SMYD3: variants seen among roughly 807,000 people sequenced by gnomAD.
SMYD3 encodes the protein histone-lysine N-methyltransferase SMYD3.
SMYD3 carries 36 observed loss-of-function variants against 57.7 expected under a neutral mutation model. That is an observed-to-expected ratio of 0.62 (90% CI 0.48 to 0.82). The LOEUF is 0.82. Ranked by LOEUF, SMYD3 falls within the 40% of genes least tolerant of loss-of-function variation. The probability of loss-of-function intolerance (pLI) is 0.00; values close to 1 mark genes in which losing one functional copy is unlikely to be tolerated. For synonymous variants in SMYD3, 211 were observed against 195.0 expected (o/e 1.08, Z -0.68); for missense variants, 515 against 538.8 (o/e 0.96, Z 0.44).
intron 4 of SMYD3, among the ~76,000 whole-genome samples, chr1:246,328,812 A>T (rs1438831460): frequency 6.6e-6 from 1 of 151,910 alleles, no homozygotes; most frequent in Admixed American, 6.6e-5. Flanking sequence ...TTAGCATTAG[A>T]TATATATACT....
At chr1:245,763,961 C>A in intron 11 of SMYD3, 80 bp downstream of exon 11, 1 of 1,066,506 alleles carries the variant, frequency 9.4e-7, no homozygotes, top group Non-Finnish European at 1.5e-6. Context: ...CATAGAGCTG[C>A]TAACAAATCA....
chr1:245,870,774 A>G (rs2052144432), intron 8 of SMYD3, among the ~76,000 whole-genome samples: 1 of 152,214 alleles, frequency 6.6e-6, no homozygotes, highest in African/African-American at 2.4e-5. Context: ...GAAAGTTTGG[A>G]GTCCAGCCAG....
chr1:246,358,976 T>C lies in SMYD3; in HGVS notation c.165-3882A>G, dbSNP rs889367978. Among the ~76,000 whole-genome samples, 4 of 150,162 alleles carry C rather than the reference T, an allele frequency of 2.7e-5. No homozygotes were observed. In the Admixed American group the frequency reaches 2.7e-4, roughly 10 times the overall value. Reference sequence around the variant, plus strand: ...GAAATAACAAAGATCAGAGAAGAACTAAATGAAATTGAAACAAACAAAAAA... The same window carrying C: ...GAAATAACAAAGATCAGAGAAGAACCAAATGAAATTGAAACAAACAAAAAA... On this transcript the variant is annotated intron_variant, in intron 1 of 11. Coordinates refer to ENST00000490107, the MANE Select transcript of SMYD3 (RefSeq NM_001167740.2).
At chr1:246,324,199 G>A (rs553932961) in intron 5 of SMYD3, among the ~76,000 whole-genome samples, 1 of 152,186 alleles carries the variant, frequency 6.6e-6, no homozygotes, top group East Asian at 1.9e-4. Flanking sequence ...CGGATCATCC[G>A]AGGTCAGGAG....
intron 7 of SMYD3, among the ~76,000 whole-genome samples, chr1:245,920,461 A>G (rs2055838442): frequency 6.6e-6 from 1 of 152,210 alleles, no homozygotes; most frequent in Admixed American, 6.5e-5. Context: ...TTCTTTTTAA[A>G]GTCAAACCTG....
intron 5 of SMYD3, among the ~76,000 whole-genome samples, chr1:246,176,816 C>T (rs573937481): frequency 1.1e-4 from 17 of 152,324 alleles, no homozygotes; most frequent in Non-Finnish European, 2.4e-4. Context: ...AGCCACCACA[C>T]CAGCCTATAC....
At chr1:246,071,997 G>GTCT (rs1365485653) in intron 5 of SMYD3, among the ~76,000 whole-genome samples, 3 of 83,686 alleles carry the variant, frequency 3.6e-5, no homozygotes, top group African/African-American at 8.6e-5. Flanking sequence ...TGTGCTCACT[G>GTCT]TGGATGCATC....
At chr1:246,377,301 T>C (rs189306008) in intron 1 of SMYD3, among the ~76,000 whole-genome samples, 69 of 152,128 alleles carry the variant, frequency 4.5e-4, no homozygotes, top group Admixed American at 9.2e-4. Context: ...TTCAATCTAC[T>C]GCAATGTAGC....
In SMYD3 at chr1:246,196,505, A is replaced by G. The variant is rs375738513; in HGVS notation, c.531+130696T>C. 1.2e-3 allele frequency among the ~76,000 whole-genome samples: 184 copies of G among 152,364 alleles called. 1 individual carries two copies. The highest frequency in any genetic ancestry group is 4.1e-3 in the African/African-American group (172 of 41,586). On this transcript the variant is annotated intron_variant, in intron 5 of 11. Coordinates refer to ENST00000490107, the MANE Select transcript of SMYD3 (RefSeq NM_001167740.2). ...GCTTTGTATAAAATCATTAAAAATT[A>G]TCTTGAAAAATAATAAAAGCAAGTT...
intron 5 of SMYD3, among the ~76,000 whole-genome samples, chr1:246,284,562 A>G (rs7549626): frequency 0.024 from 3,696 of 151,508 alleles, 158 homozygotes; most frequent in African/African-American, 0.083. Context: ...GACTACAGGC[A>G]CCCGCCACCA....
At chr1:246,349,383 C>T (rs898926916) in intron 2 of SMYD3, among the ~76,000 whole-genome samples, 17 of 151,598 alleles carry the variant, frequency 1.1e-4, no homozygotes, top group East Asian at 5.9e-4. Context: ...GGCAGGTGTA[C>T]TGCCTGAGCT....
intron 5 of SMYD3, among the ~76,000 whole-genome samples, chr1:246,255,898 C>T (rs1328408425): frequency 6.7e-6 from 1 of 148,448 alleles, no homozygotes. Flanking sequence ...GTGTATTAGT[C>T]AGGGTTCTCT....
At chr1:246,004,137 G>T (rs142222740) in intron 5 of SMYD3, among the ~76,000 whole-genome samples, 15 of 152,284 alleles carry the variant, frequency 9.9e-5, no homozygotes, top group African/African-American at 3.6e-4. Flanking sequence ...AATGGAAATC[G>T]GTACGCAAAA....
intron 5 of SMYD3, among the ~76,000 whole-genome samples, chr1:246,084,964 T>C (rs2060699789): frequency 6.6e-6 from 1 of 152,218 alleles, no homozygotes; most frequent in Non-Finnish European, 1.5e-5. Flanking sequence ...CATTTTGTGA[T>C]TAGAGTACCT....
intron 1 of SMYD3, among the ~76,000 whole-genome samples, chr1:246,393,028 T>C (rs1300693267): frequency 6.6e-6 from 1 of 152,158 alleles, no homozygotes; most frequent in African/African-American, 2.4e-5. Context: ...TCATACTTAC[T>C]GGTGGGAAAG....
chr1:245,834,964 T>C (rs1330868762), intron 10 of SMYD3, among the ~76,000 whole-genome samples: 1 of 152,162 alleles, frequency 6.6e-6, no homozygotes, highest in Non-Finnish European at 1.5e-5. Flanking sequence ...TTTTCCATTA[T>C]ATGAGAAAGT....
chr1:245,843,530 G>GTATA (rs146394602), intron 10 of SMYD3, among the ~76,000 whole-genome samples: 4 of 97,368 alleles, frequency 4.1e-5, no homozygotes, highest in African/African-American at 1.8e-4. Flanking sequence ...ACATGAATGT[G>GTATA]TATATATATA....
chr1:246,002,480 G>A (rs1469560818), intron 5 of SMYD3, among the ~76,000 whole-genome samples: 4 of 61,166 alleles, frequency 6.5e-5, no homozygotes, highest in Admixed American at 2.1e-4. Flanking sequence ...CACCACGCCC[G>A]GCTAATTTTT....
At chr1:245,907,502 T>TGTG in intron 8 of SMYD3, among the ~76,000 whole-genome samples, 1 of 152,062 alleles carries the variant, frequency 6.6e-6, no homozygotes, top group Non-Finnish European at 1.5e-5. Context: ...AAAAGGACAA[T>TGTG]ATTTGCCATC....
Sources: allele counts gnomAD v4.1 joint callset (sites outside exome capture counted in the v4.1 genomes callset), GRCh38; gene constraint gnomAD v4.1.1; transcripts MANE v1.5; gene names NCBI Gene and HGNC (gene_info 2026-07-23, HGNC 2026-07-21).